Variants in ERBB4 observed in about 807,000 individuals in gnomAD.
ERBB4 encodes receptor tyrosine-protein kinase erbB-4.
A neutral mutation model predicts 158.0 loss-of-function variants in ERBB4; 42 were observed. That is an observed-to-expected ratio of 0.27 (90% confidence interval 0.21 to 0.34). The LOEUF (loss-of-function observed/expected upper bound fraction) is 0.34. ERBB4 is among the 10% of genes least tolerant of loss of function. The pLI is 1.00. For synonymous variants in ERBB4, 583 were observed against 558.7 expected (o/e 1.04, Z -0.61); for missense variants, 1,333 against 1,624.1 (o/e 0.82, Z 3.08).
chr2:212,232,773 T>C (rs181594151), intron 1 of ERBB4, among the ~76,000 whole-genome samples: 6 of 152,256 alleles, frequency 3.9e-5, no homozygotes, highest in Admixed American at 3.3e-4. Context: ...TCTACTCACA[T>C]AGATAGCATG....
intron 1 of ERBB4, among the ~76,000 whole-genome samples, chr2:212,135,384 T>C (rs1300003002): frequency 1.3e-5 from 2 of 152,194 alleles, no homozygotes; most frequent in East Asian, 3.9e-4. Flanking sequence ...TCTTTGTAAA[T>C]TTTTGTACTT....
intron 20 of ERBB4, among the ~76,000 whole-genome samples, chr2:211,451,889 CA>C (rs2064254648): frequency 6.6e-6 from 1 of 152,144 alleles, no homozygotes; most frequent in African/African-American, 2.4e-5. Flanking sequence ...GGGCAAATAG[CA>C]GGTACTCGAA....
chr2:212,001,937 C>T (rs2076115293), intron 2 of ERBB4, among the ~76,000 whole-genome samples: 1 of 152,040 alleles, frequency 6.6e-6, no homozygotes, highest in Non-Finnish European at 1.5e-5. Context: ...ATAGCGTGAC[C>T]ATTAAATTAC....
At chr2:212,103,297 T>C (rs796802198) in intron 2 of ERBB4, among the ~76,000 whole-genome samples, 8 of 152,238 alleles carry the variant, frequency 5.3e-5, no homozygotes, top group African/African-American at 1.9e-4. Flanking sequence ...TCTAGGCCAG[T>C]ATAATAGAAT....
intron 1 of ERBB4, among the ~76,000 whole-genome samples, chr2:212,294,410 T>C (rs2086332341): frequency 6.6e-6 from 1 of 152,050 alleles, no homozygotes; most frequent in Admixed American, 6.6e-5. Flanking sequence ...AATCATCTGA[T>C]TTTTGTTGTT....
At chr2:211,483,815 T>C (rs10198365) in intron 20 of ERBB4, among the ~76,000 whole-genome samples, 3,025 of 152,178 alleles carry the variant, frequency 0.02, 101 homozygotes, top group African/African-American at 0.069. Flanking sequence ...CCTCCCAAAG[T>C]GCTGGGACTA....
At chr2:211,585,229 G>A (rs1333742237) in intron 19 of ERBB4, among the ~76,000 whole-genome samples, 1 of 151,958 alleles carries the variant, frequency 6.6e-6, no homozygotes. Context: ...GCGGGAGCCT[G>A]TAGTCCCAGC....
At chr2:211,758,775 T>C (rs529076147) in intron 4 of ERBB4, among the ~76,000 whole-genome samples, 2 of 152,234 alleles carry the variant, frequency 1.3e-5, no homozygotes, top group African/African-American at 4.8e-5. Flanking sequence ...CTTGGAGGTG[T>C]GCAGTGCACA....
At chr2:211,909,718 G>A (rs867562764) in intron 3 of ERBB4, among the ~76,000 whole-genome samples, 2 of 151,644 alleles carry the variant, frequency 1.3e-5, no homozygotes, top group Non-Finnish European at 2.9e-5. Flanking sequence ...TGAAAATGTT[G>A]TTAGGTGGCA....
chr2:211,926,859 T>C (rs1037507737), intron 3 of ERBB4, among the ~76,000 whole-genome samples: 2 of 152,132 alleles, frequency 1.3e-5, no homozygotes, highest in Admixed American at 1.3e-4. Context: ...CCTAACTTAC[T>C]TCCTCAGTGA....
intron 3 of ERBB4, among the ~76,000 whole-genome samples, chr2:211,873,109 G>C (rs2078394127): frequency 6.7e-6 from 1 of 149,790 alleles, no homozygotes; most frequent in Non-Finnish European, 1.5e-5. Flanking sequence ...GGAAGAAGGA[G>C]TGAGATAAGA....
At chr2:211,623,006 T>G (rs1236174532) in intron 18 of ERBB4, among the ~76,000 whole-genome samples, 18 of 25,688 alleles carry the variant, frequency 7.0e-4, no homozygotes, top group South Asian at 1.2e-3. Flanking sequence ...TATATATATA[T>G]ATATATATAT....
At chr2:211,743,762 C>T (rs994412952) in intron 5 of ERBB4, among the ~76,000 whole-genome samples, 16 of 152,180 alleles carry the variant, frequency 1.1e-4, no homozygotes, top group Non-Finnish European at 2.1e-4. Flanking sequence ...AATCAATTTA[C>T]TTAAGCTGTG....
intron 10 of ERBB4, among the ~76,000 whole-genome samples, chr2:211,704,810 T>A (rs143879567): frequency 6.6e-6 from 1 of 152,356 alleles, no homozygotes; most frequent in East Asian, 1.9e-4. Flanking sequence ...GATACTCATT[T>A]TGTAATTCCA....
intron 2 of ERBB4, among the ~76,000 whole-genome samples, chr2:211,983,057 C>T (rs1447322428): frequency 6.6e-6 from 1 of 152,138 alleles, no homozygotes; most frequent in African/African-American, 2.4e-5. Context: ...ATCATGGAAT[C>T]TCAATTTTAT....
intron 1 of ERBB4, among the ~76,000 whole-genome samples, chr2:212,442,854 C>T (rs911446995): frequency 6.6e-5 from 10 of 152,278 alleles, no homozygotes; most frequent in African/African-American, 1.4e-4. Context: ...CAGAGATTAG[C>T]GCCACCATCA....
At chr2:211,705,694 T>C (rs1028884050) in intron 9 of ERBB4, among the ~76,000 whole-genome samples, 13 of 152,198 alleles carry the variant, frequency 8.5e-5, no homozygotes, top group Admixed American at 2.6e-4. Flanking sequence ...CATTTTACAT[T>C]ATTTTGTTTT....
chr2:212,283,330 G>A (rs1263015245), intron 1 of ERBB4, among the ~76,000 whole-genome samples: 5 of 151,926 alleles, frequency 3.3e-5, no homozygotes, highest in African/African-American at 1.2e-4. Flanking sequence ...GGTATCATAT[G>A]GCACAATTTG....
intron 1 of ERBB4, among the ~76,000 whole-genome samples, chr2:212,472,615 C>T (rs1689172118): frequency 6.6e-6 from 1 of 151,504 alleles, no homozygotes; most frequent in African/African-American, 2.4e-5. Context: ...AAGAGCGGTA[C>T]TTCTCAAACT....
Sources: allele counts gnomAD v4.1 joint callset (sites outside exome capture counted in the v4.1 genomes callset), GRCh38; gene constraint gnomAD v4.1.1; transcripts MANE v1.5; gene names NCBI Gene and HGNC (gene_info 2026-07-23, HGNC 2026-07-21).